DOC2A: variants seen among roughly 807,000 people sequenced by gnomAD.
DOC2A encodes the protein double C2-like domain-containing protein alpha.
DOC2A carries 28 observed loss-of-function variants against 40.6 expected under a neutral mutation model. The observed-to-expected ratio is 0.69, with a 90% CI of 0.51 to 0.95. DOC2A has a LOEUF of 0.95. DOC2A is among the 40% of genes least tolerant of loss of function. The pLI is 0.00. For synonymous variants in DOC2A, 241 were observed against 236.9 expected (o/e 1.02, Z -0.16); for missense variants, 474 against 552.5 (o/e 0.86, Z 1.42).
Position 30,006,881 on chromosome 16 carries a change from T to TA in DOC2A, c.781dup (p.Tyr261LeufsTer46), listed in dbSNP as rs2070619252. 6.2e-7 allele frequency: 1 copy of TA among 1,613,366 alleles called. No homozygotes were observed. On this transcript the variant is annotated frameshift_variant, in exon 8 of 11. Transcript: ENST00000350119. LOFTEE classifies it high-confidence loss of function. The surrounding 1 kb of genome is among the most constrained non-coding windows in gnomAD (Gnocchi z 6.2). Reference sequence around the variant, plus strand: ...CAGCAGTCCCCGGCGCCGCGAGCTGTAGCTGAGACTCAGCAGGATGCGGCC... The same window carrying TA: ...CAGCAGTCCCCGGCGCCGCGAGCTGTAAGCTGAGACTCAGCAGGATGCGGCC...
upstream of DOC2A, among the ~76,000 whole-genome samples, chr16:30,013,948 C>T (rs2070827348): frequency 1.3e-5 from 2 of 152,180 alleles, no homozygotes; most frequent in South Asian, 4.2e-4. Context: ...AACTCCTGAC[C>T]TCATGATCCG....
In DOC2A at chr16:30,005,629, A is replaced by C; in HGVS notation, c.*557T>G. ...GAGGGTGGCAGGGGCCCTGCCTTCA[A>C]ACCCCGGCCCCCTCCAGGGGACAGT... On this transcript the variant is annotated 3_prime_UTR_variant, in exon 11 of 11. Coordinates refer to ENST00000350119, the MANE Select transcript of DOC2A (RefSeq NM_003586.3). 6 of 614,074 alleles carry C rather than the reference A, an allele frequency of 9.8e-6. No homozygotes were observed. The highest frequency in any genetic ancestry group is 1.7e-5 in the Non-Finnish European group (6 of 353,086). 38.0% of individuals were successfully genotyped at this position (614,074 alleles called of 1,614,324 possible). A position where few individuals can be genotyped will look rare whatever the true frequency, so the allele number is the denominator to read the frequency against.
upstream of DOC2A, among the ~76,000 whole-genome samples, chr16:30,016,060 T>A (rs1231658096): frequency 2.4e-4 from 12 of 50,046 alleles, no homozygotes; most frequent in African/African-American, 6.1e-4. Flanking sequence ...TATATATTTT[T>A]TTTTTTTTTT....
At chr16:30,017,912 A>T (rs1442125089) in intron 1 of DOC2A, among the ~76,000 whole-genome samples, 1 of 150,508 alleles carries the variant, frequency 6.6e-6, no homozygotes, top group Admixed American at 6.7e-5. Context: ...ATGAGCTGAG[A>T]TCGTGCCACT....
At chr16:30,008,840 A>C in intron 5 of DOC2A, 156 bp downstream of exon 5, 4 of 632,212 alleles carry the variant, frequency 6.3e-6, no homozygotes, top group African/African-American at 1.8e-5. Flanking sequence ...ATGGCAGGGA[A>C]GAATTTTGGC....
chr16:30,017,678 C>T lies in DOC2A; in HGVS notation c.-376+3505G>A, dbSNP rs1017273677. ...AAAGAGTCGAAAAACTACCTATTGCCGGGTGCGGTGGCTCATGCCTGTAAT... is the reference window on the plus strand; with the variant it reads ...AAAGAGTCGAAAAACTACCTATTGCTGGGTGCGGTGGCTCATGCCTGTAAT... On this transcript the variant is annotated intron_variant, in intron 1 of 5. Transcript: ENST00000574405. Among the ~76,000 whole-genome samples, 4 of 152,096 alleles carry T rather than the reference C, an allele frequency of 2.6e-5. No homozygotes were observed. In the South Asian group the frequency reaches 6.2e-4, roughly 24 times the overall value.
intron 5 of DOC2A, chr16:30,007,631 G>T: frequency 2.5e-6 from 1 of 407,154 alleles, no homozygotes; most frequent in Admixed American, 3.7e-5. Context: ...GTGAGAGCTA[G>T]AAGGGCCTTG....
intron 1 of DOC2A, among the ~76,000 whole-genome samples, chr16:30,018,103 CAAAAAAAAAAAAAAAAA>C: frequency 1.6e-5 from 1 of 61,600 alleles, no homozygotes; most frequent in Admixed American, 2.0e-4. Context: ...CTATTTCTAC[CAAAAAAAAAAAAAAAAA>C]AAAAAAAAAC....
Position 30,009,435 on chromosome 16 carries a change from G to A in DOC2A, c.342+43C>T. ...GAGGAATGGGCCCCCTCTGGGGGCTGCACGCAAACCGGGCCCGGGCTTGGG... is the reference window on the plus strand; with the variant it reads ...GAGGAATGGGCCCCCTCTGGGGGCTACACGCAAACCGGGCCCGGGCTTGGG... On this transcript the variant is annotated intron_variant, in intron 3 of 10. Coordinates refer to ENST00000350119, the MANE Select transcript of DOC2A (RefSeq NM_003586.3). This position sits in a 1 kb window ranked among gnomAD's most constrained non-coding sequence, Gnocchi z 4.1. 1 of 1,540,178 alleles carries A rather than the reference G, an allele frequency of 6.5e-7. No homozygotes were observed. The highest frequency in any genetic ancestry group is 1.4e-5 in the African/African-American group (1 of 72,930).
rs546869318 is a variant in DOC2A, at chr16:30,007,487, C to G, written c.528-188G>C. The G allele has an allele frequency of 8.1e-6, 6 of 739,810 alleles. No homozygotes were observed. The East Asian group carries it at 1.6e-4, about 20-fold the overall frequency. 45.8% of individuals were successfully genotyped at this position (739,810 alleles called of 1,614,324 possible). A position where few individuals can be genotyped will look rare whatever the true frequency, so the allele number is the denominator to read the frequency against. On this transcript the variant is annotated intron_variant, in intron 5 of 10. Transcript: ENST00000350119. ...CCTCCCTCTGCAGCCACCCGGCTGT[C>G]CCTGGTCCATCAGGACATGCTCAGC...
chr16:30,021,699 G>T (rs1282317120), upstream of DOC2A: 1 of 152,242 alleles, frequency 6.6e-6, no homozygotes, highest in Non-Finnish European at 1.5e-5. Context: ...TGGGAGCGTG[G>T]ACTCAGGCGC....
In DOC2A at chr16:30,007,019, G is replaced by A. The variant is rs2070629099; in HGVS notation, c.714+12C>T. 3 of 1,614,030 alleles carry A rather than the reference G, an allele frequency of 1.9e-6. No homozygotes were observed. On this transcript the variant is annotated intron_variant, in intron 7 of 10. Transcript: ENST00000350119. Reference sequence around the variant, plus strand: ...CACCCACATGCATCCCCATCCCCATGAGGTGCCTCACCTCCTTCAGATAAC... The same window carrying A: ...CACCCACATGCATCCCCATCCCCATAAGGTGCCTCACCTCCTTCAGATAAC...
chr16:30,009,697 G>A lies in DOC2A; in HGVS notation c.263-140C>T, dbSNP rs989288822. 7 of 909,196 alleles carry A rather than the reference G, an allele frequency of 7.7e-6. No individual in the cohort carries two copies. The East Asian group carries it at 7.9e-5, about 10-fold the overall frequency. The allele number at this position is 909,196 out of a possible 1,614,324, so 56.3% of individuals were successfully genotyped here. On this transcript the variant is annotated intron_variant, in intron 2 of 10. Transcript: ENST00000350119. This position sits in a 1 kb window ranked among gnomAD's most constrained non-coding sequence, Gnocchi z 4.1. ...TGCAAGAGGCTGAGTGGGCCCATGCGTGTGTGCGTCTGGGTCCCTGGCTCG... is the reference window on the plus strand; with the variant it reads ...TGCAAGAGGCTGAGTGGGCCCATGCATGTGTGCGTCTGGGTCCCTGGCTCG...
At chr16:30,016,901 T>C (rs192630870), upstream of DOC2A, among the ~76,000 whole-genome samples, 1,032 of 152,172 alleles carry the variant, frequency 6.8e-3, 6 homozygotes, top group Non-Finnish European at 0.01. Flanking sequence ...CTCAGGGTCC[T>C]ATGAGGTAGG....
Position 30,006,089 on chromosome 16 carries a change from G to C in DOC2A, c.*97C>G. ...CTCACAAAAATAGGTAGTGCAGGGT[G>C]GGGGCAGCCCACCCTGTGTAAACGT... On this transcript the variant is annotated 3_prime_UTR_variant, in exon 11 of 11. Coordinates refer to ENST00000350119, the MANE Select transcript of DOC2A (RefSeq NM_003586.3). The surrounding 1 kb of genome is among the most constrained non-coding windows in gnomAD (Gnocchi z 6.2). 1.4e-6 allele frequency: 2 copies of C among 1,393,814 alleles called. No individual in the cohort carries two copies. The highest frequency in any genetic ancestry group is 1.9e-6 in the Non-Finnish European group (2 of 1,039,860). 86.3% of individuals were successfully genotyped at this position (1,393,814 alleles called of 1,614,324 possible).
rs1356191767 is a variant in DOC2A at position 30,009,342 on chromosome 16, C to T, written c.343-66G>A. 1.3e-6 allele frequency: 2 copies of T among 1,510,488 alleles called. No homozygotes were observed. The highest frequency in any genetic ancestry group is 1.8e-6 in the Non-Finnish European group (2 of 1,111,090). The allele number at this position is 1,510,488 out of a possible 1,614,324, so 93.6% of individuals were successfully genotyped here. On this transcript the variant is annotated intron_variant, in intron 3 of 10. Transcript: ENST00000350119. The surrounding 1 kb of genome is among the most constrained non-coding windows in gnomAD (Gnocchi z 4.1). ...ACCTCTCTCCATCCCTCTTGTAGAGCTGGACCCTGGAGGAGCCCAGAAGGA... is the reference window on the plus strand; with the variant it reads ...ACCTCTCTCCATCCCTCTTGTAGAGTTGGACCCTGGAGGAGCCCAGAAGGA...
In DOC2A at chr16:30,005,536, G is replaced by A; in HGVS notation, c.*650C>T. 5 of 1,174,842 alleles carry A rather than the reference G, an allele frequency of 4.3e-6. No homozygotes were observed. The highest frequency in any genetic ancestry group is 4.1e-5 in the South Asian group (3 of 73,420). 72.8% of individuals were successfully genotyped at this position (1,174,842 alleles called of 1,614,324 possible). ...AGCTTCCTCGGAGGTGTTTATTGAT[G>A]CCCAGCTGCCATGCTCCGGCCACTG... On this transcript the variant is annotated 3_prime_UTR_variant, in exon 11 of 11. Transcript: ENST00000350119.
In DOC2A at chr16:30,006,206, C is replaced by T. The variant is rs756118173; in HGVS notation, c.1183G>A (p.Gly395Arg). The change falls in exon 11 of 11, where the codon GGG becomes AGG. Residue 395 changes from glycine (G) to arginine (R), a missense_variant. Transcript: ENST00000350119. The surrounding 1 kb of genome is among the most constrained non-coding windows in gnomAD (Gnocchi z 6.2). ...TCCACTCAGGCTGAGGACAGAGCCC[C>T]GGCCGCAGGGGGCAGCTCACTGGTC... is the stretch of plus-strand genomic sequence containing the variant. ...TLTSELPPAA[G>R]ALSSA is the part of the protein sequence containing the mutation. 108 of 1,585,406 alleles carry T rather than the reference C, an allele frequency of 6.8e-5. No homozygotes were observed. The highest frequency in any genetic ancestry group is 8.6e-5 in the Non-Finnish European group (100 of 1,167,550).
upstream of DOC2A, among the ~76,000 whole-genome samples, chr16:30,022,086 T>C (rs147970537): frequency 2.7e-3 from 410 of 149,770 alleles, 1 homozygote; most frequent in African/African-American, 9.5e-3. Context: ...CCATCTCTAC[T>C]AAAAGTACAA....
Sources: gnomAD v4.1 joint callset for allele counts (sites outside exome capture counted in the v4.1 genomes callset) on GRCh38, gnomAD v4.1.1 for gene constraint, Gnocchi (gnomAD v3.1) non-coding constraint, MANE v1.5 for transcripts, NCBI Gene and HGNC (gene_info 2026-07-23, HGNC 2026-07-21) for gene names.